IMMP2L: variants seen among roughly 807,000 people sequenced by gnomAD.
IMMP2L encodes inner mitochondrial membrane peptidase subunit 2.
Under a neutral mutation model 19.3 loss-of-function variants are expected in IMMP2L, and 18 were observed. The ratio of observed to expected loss-of-function variants is 0.93; its 90% CI spans 0.64 to 1.38. The LOEUF (loss-of-function observed/expected upper bound fraction) is 1.38, where lower values mean the gene tolerates loss of function less well. Ranked by LOEUF, IMMP2L falls within the 40% of genes most tolerant of loss-of-function variation. The pLI is 0.00. For synonymous variants in IMMP2L, 76 were observed against 73.0 expected, an observed-to-expected ratio of 1.04 and a Z score of -0.21; for missense variants, 233 against 218.2, an observed-to-expected ratio of 1.07 and a Z score of -0.43.
At chr7:110,950,349 T>C (rs1347088141) in intron 4 of IMMP2L, among the ~76,000 whole-genome samples, 1 of 152,132 alleles carries the variant, frequency 6.6e-6, no homozygotes, top group Non-Finnish European at 1.5e-5. Flanking sequence ...TACCATATTG[T>C]TGTAATTACT....
At chr7:111,157,570 G>A (rs1008790872) in intron 3 of IMMP2L, among the ~76,000 whole-genome samples, 7 of 152,044 alleles carry the variant, frequency 4.6e-5, no homozygotes, top group African/African-American at 1.7e-4. Flanking sequence ...GTTACCAGAG[G>A]CTAGGAAGCA....
At chr7:111,436,789 C>T (rs553773989) in intron 3 of IMMP2L, among the ~76,000 whole-genome samples, 1 of 151,930 alleles carries the variant, frequency 6.6e-6, no homozygotes, top group South Asian at 2.1e-4. Context: ...GCTTACAGTT[C>T]TACAGGCTGT....
chr7:110,750,718 G>C (rs1209411371), intron 5 of IMMP2L, among the ~76,000 whole-genome samples: 1 of 151,994 alleles, frequency 6.6e-6, no homozygotes, highest in African/African-American at 2.4e-5. Flanking sequence ...TACTGTTAAT[G>C]CTTCCCAAAT....
intron 1 of IMMP2L, among the ~76,000 whole-genome samples, chr7:111,553,761 G>A (rs1790942766): frequency 6.6e-6 from 1 of 152,110 alleles, no homozygotes; most frequent in African/African-American, 2.4e-5. Context: ...GCTCGTGATG[G>A]TAAAATATTA....
At chr7:110,909,716 A>C (rs1585227372) in intron 4 of IMMP2L, among the ~76,000 whole-genome samples, 1 of 152,176 alleles carries the variant, frequency 6.6e-6, no homozygotes, top group East Asian at 1.9e-4. Context: ...ATCCAACAAC[A>C]ACCGTCTCCC....
At chr7:110,705,862 AGCTGCATCCATGTT>A (rs1480045590) in intron 5 of IMMP2L, among the ~76,000 whole-genome samples, 1 of 152,054 alleles carries the variant, frequency 6.6e-6, no homozygotes, top group African/African-American at 2.4e-5. Context: ...AATGGCCTCC[AGCTGCATCCATGTT>A]GCTGCAAAGG....
chr7:111,462,558 G>C (rs777147738), intron 3 of IMMP2L, among the ~76,000 whole-genome samples: 1 of 152,026 alleles, frequency 6.6e-6, no homozygotes, highest in Non-Finnish European at 1.5e-5. Flanking sequence ...TATTTATGAG[G>C]TACGGGTGAC....
intron 3 of IMMP2L, among the ~76,000 whole-genome samples, chr7:111,477,358 T>C (rs911128652): frequency 1.3e-5 from 2 of 152,108 alleles, no homozygotes; most frequent in East Asian, 1.9e-4. Flanking sequence ...TCTTAACCCT[T>C]TGAATTTGTT....
chr7:110,940,654 G>C (rs533174233), intron 4 of IMMP2L, among the ~76,000 whole-genome samples: 1 of 152,142 alleles, frequency 6.6e-6, no homozygotes, highest in Admixed American at 6.6e-5. Flanking sequence ...ACGTGAGTGC[G>C]AATGAACTGA....
chr7:110,891,736 A>AAC (rs1453563742), intron 4 of IMMP2L, among the ~76,000 whole-genome samples: 1 of 152,184 alleles, frequency 6.6e-6, no homozygotes, highest in African/African-American at 2.4e-5. Context: ...TAAAAATTAA[A>AAC]ATATATAACT....
intron 3 of IMMP2L, among the ~76,000 whole-genome samples, chr7:111,092,089 A>G (rs1796930954): frequency 6.6e-6 from 1 of 152,208 alleles, no homozygotes; most frequent in Non-Finnish European, 1.5e-5. Context: ...GAGTAGCAGA[A>G]TGAGCATATC....
At chr7:111,083,458 A>G (rs753038826) in intron 3 of IMMP2L, among the ~76,000 whole-genome samples, 1 of 152,170 alleles carries the variant, frequency 6.6e-6, no homozygotes, top group African/African-American at 2.4e-5. Context: ...TTTTTTGTCA[A>G]TCTGGTTACA....
At chr7:111,360,578 G>A (rs1829165956) in intron 3 of IMMP2L, among the ~76,000 whole-genome samples, 1 of 152,110 alleles carries the variant, frequency 6.6e-6, no homozygotes. Flanking sequence ...AGCACTTTTG[G>A]AAGCTGAGGT....
At chr7:111,084,187 T>C (rs538499170) in intron 3 of IMMP2L, among the ~76,000 whole-genome samples, 38 of 151,482 alleles carry the variant, frequency 2.5e-4, no homozygotes, top group Non-Finnish European at 4.7e-4. Context: ...GAAGATAATT[T>C]AAGAAAACTT....
intron 3 of IMMP2L, among the ~76,000 whole-genome samples, chr7:111,444,897 TG>T (rs1269888016): frequency 1.3e-5 from 2 of 152,142 alleles, no homozygotes; most frequent in Non-Finnish European, 2.9e-5. Flanking sequence ...TAATATCTAT[TG>T]GAGACATTAC....
intron 3 of IMMP2L, among the ~76,000 whole-genome samples, chr7:111,214,410 T>G (rs1391754788): frequency 7.2e-6 from 1 of 139,450 alleles, no homozygotes; most frequent in African/African-American, 2.6e-5. Context: ...TGGCATGATC[T>G]CTGCTCACTA....
At chr7:111,178,957 C>T (rs1807392104) in intron 3 of IMMP2L, among the ~76,000 whole-genome samples, 1 of 151,892 alleles carries the variant, frequency 6.6e-6, no homozygotes, top group African/African-American at 2.4e-5. Context: ...AATGGTGACT[C>T]CCTTCCAGGT....
intron 3 of IMMP2L, among the ~76,000 whole-genome samples, chr7:111,469,298 AT>A (rs1377065875): frequency 6.6e-6 from 1 of 152,096 alleles, no homozygotes; most frequent in Non-Finnish European, 1.5e-5. Flanking sequence ...GAAGAAAGTC[AT>A]TGGTAGCTTG....
chr7:110,864,057 T>C (rs756806906), intron 5 of IMMP2L, among the ~76,000 whole-genome samples: 1 of 152,038 alleles, frequency 6.6e-6, no homozygotes, highest in Admixed American at 6.6e-5. Flanking sequence ...AAAAAGATAG[T>C]TATGTAGGAT....
Sources: gnomAD v4.1 joint callset for allele counts (sites outside exome capture counted in the v4.1 genomes callset) on GRCh38, gnomAD v4.1.1 for gene constraint, MANE v1.5 for transcripts, NCBI Gene and HGNC (gene_info 2026-07-23, HGNC 2026-07-21) for gene names.